The following SLC71A2 variants were observed in gnomAD, a reference collection of about 807,000 sequenced individuals.
SLC71A2 encodes solute carrier family 71 member 2, also known as hippocampus abundant transcript-like 1.
the SLC71A2 span, chr9:94,415,107 A>T: frequency 6.6e-6 from 9 of 1,354,660 alleles, no homozygotes; most frequent in African/African-American, 1.3e-4. Flanking sequence ...TTTTAAGATA[A>T]TAGATTTCTT....
the SLC71A2 span, among the ~76,000 whole-genome samples, chr9:94,450,539 G>A: frequency 8.8e-6 from 1 of 113,732 alleles, no homozygotes; most frequent in African/African-American, 3.6e-5. Flanking sequence ...GCCCAGGCTG[G>A]AATACAGTGG....
the SLC71A2 span, among the ~76,000 whole-genome samples, chr9:94,430,697 C>G: frequency 6.6e-6 from 1 of 152,034 alleles, no homozygotes; most frequent in Non-Finnish European, 1.5e-5. Context: ...ATAGACAATT[C>G]TGATGATTCA....
the SLC71A2 span, among the ~76,000 whole-genome samples, chr9:94,422,115 G>C: frequency 1.7e-3 from 266 of 152,196 alleles, no homozygotes; most frequent in African/African-American, 6.1e-3. Flanking sequence ...AACTCCTGGC[G>C]TCAAGTGATT....
chr9:94,374,964 G>C, the SLC71A2 span: 4 of 1,237,896 alleles, frequency 3.2e-6, no homozygotes, highest in Admixed American at 4.3e-5. Context: ...CCTGAATCCC[G>C]GGGAGGCTGG....
chr9:94,388,981 G>C, the SLC71A2 span, among the ~76,000 whole-genome samples: 1 of 152,116 alleles, frequency 6.6e-6, no homozygotes. Context: ...CTCATTGCCT[G>C]TCTAAGGATC....
the SLC71A2 span, chr9:94,458,423 G>A: frequency 6.2e-7 from 1 of 1,614,102 alleles, no homozygotes; most frequent in Admixed American, 1.7e-5. Flanking sequence ...GGAACTGACT[G>A]AGTTGGGCCC....
the SLC71A2 span, among the ~76,000 whole-genome samples, chr9:94,445,388 AAG>A: frequency 6.6e-6 from 1 of 152,162 alleles, no homozygotes; most frequent in Non-Finnish European, 1.5e-5. Flanking sequence ...GTCATAAACG[AAG>A]AGAGAGAAAA....
At chr9:94,434,470 C>T in the SLC71A2 span, among the ~76,000 whole-genome samples, 4 of 152,274 alleles carry the variant, frequency 2.6e-5, no homozygotes, top group Admixed American at 2.0e-4. Flanking sequence ...GCACACACCA[C>T]CACACCTGGC....
the SLC71A2 span, among the ~76,000 whole-genome samples, chr9:94,415,481 T>G: frequency 2.0e-5 from 3 of 152,130 alleles, no homozygotes; most frequent in Non-Finnish European, 4.4e-5. Context: ...TGAAGTAAAC[T>G]TGGGGGTGCT....
the SLC71A2 span, chr9:94,446,953 T>C: frequency 2.5e-6 from 3 of 1,210,134 alleles, no homozygotes; most frequent in South Asian, 3.7e-5. Flanking sequence ...AGTGAGTGGC[T>C]AGTAGCCTTT....
At chr9:94,444,674 G>A in the SLC71A2 span, among the ~76,000 whole-genome samples, 10,425 of 152,300 alleles carry the variant, frequency 0.068, 453 homozygotes, top group Non-Finnish European at 0.1. Context: ...TTTGTAATAA[G>A]ATAATCCTTT....
chr9:94,449,736 G>A, the SLC71A2 span, among the ~76,000 whole-genome samples: 2 of 152,318 alleles, frequency 1.3e-5, no homozygotes, highest in Admixed American at 6.5e-5. Flanking sequence ...ATATACCCAT[G>A]AGACATGAAA....
the SLC71A2 span, among the ~76,000 whole-genome samples, chr9:94,455,693 TACTC>T: frequency 2.0e-5 from 3 of 152,228 alleles, no homozygotes; most frequent in Non-Finnish European, 4.4e-5. Context: ...GGCCTCACTT[TACTC>T]ACTCACACTT....
At chr9:94,398,182 A>T in the SLC71A2 span, among the ~76,000 whole-genome samples, 1 of 151,142 alleles carries the variant, frequency 6.6e-6, no homozygotes, top group Non-Finnish European at 1.5e-5. Flanking sequence ...TTGTTCTAGC[A>T]TTGGCCATTG....
the SLC71A2 span, among the ~76,000 whole-genome samples, chr9:94,434,410 G>A: frequency 5.3e-5 from 8 of 152,252 alleles, no homozygotes; most frequent in East Asian, 3.9e-4. Context: ...CCCGCTGTCC[G>A]GGTTCAAGTG....
At chr9:94,421,235 AG>A in the SLC71A2 span, among the ~76,000 whole-genome samples, 3 of 152,092 alleles carry the variant, frequency 2.0e-5, no homozygotes, top group South Asian at 4.2e-4. Context: ...TTTTTGTGTA[AG>A]CTTTTAATGG....
the SLC71A2 span, among the ~76,000 whole-genome samples, chr9:94,400,603 T>G: frequency 6.6e-6 from 1 of 151,732 alleles, no homozygotes; most frequent in East Asian, 1.9e-4. Flanking sequence ...TTCCCAGAGT[T>G]ACTTGGATCA....
the SLC71A2 span, among the ~76,000 whole-genome samples, chr9:94,437,243 G>T: frequency 2.1e-5 from 3 of 141,308 alleles, no homozygotes; most frequent in African/African-American, 8.0e-5. Flanking sequence ...TTTTTAAGAT[G>T]TATCATGAAA....
chr9:94,381,246 G>C, the SLC71A2 span, among the ~76,000 whole-genome samples: 2 of 150,130 alleles, frequency 1.3e-5, no homozygotes, highest in African/African-American at 4.9e-5. Context: ...ATGTTGGTCA[G>C]GCTGGTCTCA....
Sources: allele counts gnomAD v4.1 joint callset (sites outside exome capture counted in the v4.1 genomes callset), GRCh38; gene constraint gnomAD v4.1.1; transcripts MANE v1.5; gene names NCBI Gene and HGNC (gene_info 2026-07-23, HGNC 2026-07-21).